Variants in ULBP1 observed in about 807,000 individuals in gnomAD.
ULBP1 encodes the protein UL16-binding protein 1.
Under a neutral mutation model 25.3 loss-of-function variants are expected in ULBP1, and 28 were observed. The observed-to-expected ratio is 1.10, with a 90% CI of 0.82 to 1.51. The LOEUF is 1.51. Among genes scored for constraint, ULBP1 ranks in the 40% most tolerant of loss-of-function variants. The pLI is 0.00. For synonymous variants in ULBP1, 129 were observed against 103.0 expected (o/e 1.25, Z -1.53); for missense variants, 348 against 290.9 (o/e 1.20, Z -1.43).
Position 149,968,826 on chromosome 6 carries a change from A to T in ULBP1, c.305A>T (p.Lys102Ile), listed in dbSNP as rs1489575853. 2 of 1,614,268 alleles carry T rather than the reference A, an allele frequency of 1.2e-6. No homozygotes were observed. The highest frequency in any genetic ancestry group is 3.3e-5 in the Admixed American group (2 of 60,032). The change falls in exon 2 of 5, where the codon AAA becomes ATA. Residue 102 changes from lysine (K) to isoleucine (I), a missense_variant. Transcript: ENST00000229708. ...CTAAGAGACGTGGTGGATTTCCTTA[A>T]AGGGCAACTGCTTGACATTCAAGTG... ...ETLRDVVDFLKGQLLDIQVEN... is the reference protein window; with the variant it reads ...ETLRDVVDFLIGQLLDIQVEN...
rs998798188 is a variant in ULBP1 at position 149,968,835 on chromosome 6, T to A, written c.314T>A (p.Leu105Gln). Residue 105 changes from leucine (L) to glutamine (Q), a missense_variant, in exon 2 of 5, where the codon CTG (leucine) becomes CAG (glutamine). Coordinates refer to ENST00000229708, the MANE Select transcript of ULBP1 (RefSeq NM_025218.4). ...RDVVDFLKGQ[L>Q]LDIQVENLIP... is the part of the protein sequence containing the mutation. ...GTGGTGGATTTCCTTAAAGGGCAAC[T>A]GCTTGACATTCAAGTGGAGAATTTA... 43 of 1,614,092 alleles carry A rather than the reference T, an allele frequency of 2.7e-5. No homozygotes were observed. In the Admixed American group the frequency reaches 6.3e-4, roughly 24 times the overall value.
intron 1 of ULBP1, among the ~76,000 whole-genome samples, chr6:149,968,211 G>C (rs534771384): frequency 6.6e-6 from 1 of 152,224 alleles, no homozygotes; most frequent in East Asian, 1.9e-4. Flanking sequence ...CACTGTGCTG[G>C]AGCATCCCAG....
chr6:149,966,623 T>A (rs1473610303), intron 1 of ULBP1, among the ~76,000 whole-genome samples: 1 of 152,134 alleles, frequency 6.6e-6, no homozygotes, highest in African/African-American at 2.4e-5. Flanking sequence ...GCCCTGCTCC[T>A]GCCCATCCCA....
In ULBP1 at chr6:149,973,128, G is replaced by A. The variant is rs7749024; in HGVS notation, c.*1782G>A. 1 of 152,116 alleles carries A rather than the reference G, an allele frequency of 6.6e-6. No individual in the cohort carries two copies. Among genetic ancestry groups the A allele is most frequent in the African/African-American group, 2.4e-5 (1 of 41,384 alleles). 9.4% of individuals were successfully genotyped at this position (152,116 alleles called of 1,614,324 possible). A position where few individuals can be genotyped will look rare whatever the true frequency, so the allele number is the denominator to read the frequency against. On this transcript the variant is annotated 3_prime_UTR_variant, in exon 5 of 5. Transcript: ENST00000229708. ...GAAAAAAAATGTGGTACATAGATACGATGGAAAACTATGCAGCCATGAAAC... is the reference window on the plus strand; with the variant it reads ...GAAAAAAAATGTGGTACATAGATACAATGGAAAACTATGCAGCCATGAAAC...
chr6:149,966,565 T>C (rs984212684), intron 1 of ULBP1, among the ~76,000 whole-genome samples: 1 of 152,126 alleles, frequency 6.6e-6, no homozygotes, highest in African/African-American at 2.4e-5. Flanking sequence ...CCATGTAGTG[T>C]CCTGGGGATC....
intron 1 of ULBP1, among the ~76,000 whole-genome samples, chr6:149,965,826 C>T (rs758779086): frequency 6.6e-6 from 1 of 152,118 alleles, no homozygotes. Flanking sequence ...TCTCAGCTCA[C>T]CCCTGTCACC....
Position 149,969,342 on chromosome 6 carries a change from C to A in ULBP1, c.607C>A (p.Gln203Lys), listed in dbSNP as rs1384144410. 1 of 1,613,368 alleles carries A rather than the reference C, an allele frequency of 6.2e-7. No individual in the cohort carries two copies. The highest frequency in any genetic ancestry group is 1.1e-5 in the South Asian group (1 of 91,040). ...WLEEFLMYWE[Q>K]MLDPTKPPSL... is the part of the protein sequence containing the mutation. ...TGAAGAATTTTTGATGTACTGGGAA[C>A]AAATGCTGGATCCAACAAGTAAGTG... Residue 203 changes from glutamine (Q) to lysine (K), a missense_variant, in exon 3 of 5, where the codon CAA becomes AAA. Coordinates refer to ENST00000229708, the MANE Select transcript of ULBP1 (RefSeq NM_025218.4).
At chr6:149,964,194 C>A in intron 1 of ULBP1, 60 bp downstream of exon 1, 1 of 1,585,110 alleles carries the variant, frequency 6.3e-7, no homozygotes, top group Non-Finnish European at 8.6e-7. Flanking sequence ...TTGTGGACTG[C>A]AGCGGGTTTC....
intron 1 of ULBP1, among the ~76,000 whole-genome samples, chr6:149,966,576 G>C (rs940042258): frequency 3.3e-5 from 5 of 151,822 alleles, no homozygotes; most frequent in Non-Finnish European, 5.9e-5. Context: ...CCTGGGGATC[G>C]GGGCCAACTG....
intron 1 of ULBP1, 87 bp downstream of exon 1, chr6:149,964,221 C>T (rs1298281431): frequency 2.7e-6 from 4 of 1,457,308 alleles, no homozygotes; most frequent in Non-Finnish European, 3.8e-6. Context: ...GGGGAGGCTT[C>T]TGGAAGGACC....
chr6:149,967,744 G>C (rs893215005), intron 1 of ULBP1, among the ~76,000 whole-genome samples: 2 of 152,068 alleles, frequency 1.3e-5, no homozygotes, highest in African/African-American at 4.8e-5. Flanking sequence ...GCCTCCGCTT[G>C]AGATCTCTTA....
intron 2 of ULBP1, 56 bp from the exon 3 acceptor site, chr6:149,969,029 C>A (rs1779257359): frequency 1.9e-6 from 3 of 1,585,208 alleles, no homozygotes; most frequent in Non-Finnish European, 2.6e-6. Context: ...GGAAAGGAAG[C>A]AGGGTGGGGC....
Position 149,968,799 on chromosome 6 carries a change from C to T in ULBP1, c.278C>T (p.Thr93Ile). The change falls in exon 2 of 5, where the codon ACA becomes ATA. Residue 93 changes from threonine to isoleucine, a missense_variant. By Grantham distance (89) the Thr-to-Ile change is moderately conservative. Coordinates refer to ENST00000229708, the MANE Select transcript of ULBP1 (RefSeq NM_025218.4). ...VTKTWEEQTE[T>I]LRDVVDFLKG... ...AAAACCTGGGAAGAACAAACTGAAACACTAAGAGACGTGGTGGATTTCCTT... is the reference window on the plus strand; with the variant it reads ...AAAACCTGGGAAGAACAAACTGAAATACTAAGAGACGTGGTGGATTTCCTT... The T allele has an allele frequency of 1.2e-6, 2 of 1,614,232 alleles. No individual in the cohort carries two copies. The highest frequency in any genetic ancestry group is 1.6e-4 in the Middle Eastern group (1 of 6,062).
rs535282284 is a variant in ULBP1, at chr6:149,963,948, C to A, written c.-102C>A. The A allele has an allele frequency of 1.5e-5, 18 of 1,171,424 alleles. No individual in the cohort carries two copies. The African/African-American group carries it at 2.5e-4, about 16-fold the overall frequency. 72.6% of individuals were successfully genotyped at this position (1,171,424 alleles called of 1,614,324 possible). A position where few individuals can be genotyped will look rare whatever the true frequency, so the allele number is the denominator to read the frequency against. The stretch of plus-strand genomic sequence containing the variant: ...TGCCTAGGATCCCGCCCAGTGTATC[C>A]CTGCGCGCGGCGGGCCGGGCTGGGC... On this transcript the variant is annotated 5_prime_UTR_variant, in exon 1 of 5. Coordinates refer to ENST00000229708, the MANE Select transcript of ULBP1 (RefSeq NM_025218.4).
chr6:149,969,348 C>G lies in ULBP1; in HGVS notation c.613C>G (p.Leu205Val), dbSNP rs770791996. 3.1e-6 allele frequency: 5 copies of G among 1,612,828 alleles called. No homozygotes were observed. In the Admixed American group the frequency reaches 8.3e-5, roughly 27 times the overall value. The change falls in exon 3 of 5, where the codon CTG becomes GTG. Residue 205 changes from leucine (L) to valine (V), a missense_variant. Leu to Val is a conservative substitution (Grantham distance 32). Transcript: ENST00000229708. Reference protein sequence around the residue: ...EEFLMYWEQMLDPTKPPSLAP... With the variant: ...EEFLMYWEQMVDPTKPPSLAP... ...ATTTTTGATGTACTGGGAACAAATG[C>G]TGGATCCAACAAGTAAGTGAGAGGG... is the stretch of plus-strand genomic sequence containing the variant.
At position 149,969,180 on chromosome 6, in the gene ULBP1, C is replaced by T. The variant is rs186848532; in HGVS notation, c.445C>T (p.Leu149Phe). 32 of 1,614,220 alleles carry T rather than the reference C, an allele frequency of 2.0e-5. No homozygotes were observed. Among genetic ancestry groups the T allele is most frequent in the African/African-American group, 1.9e-4 (14 of 75,048 alleles). ...WQFLFNGQKF[L>F]LFDSNNRKWT... is the part of the protein sequence containing the mutation. ...GTTCCTCTTCAATGGACAGAAGTTC[C>T]TCCTCTTTGACTCAAACAACAGAAA... The change falls in exon 3 of 5, where the codon CTC becomes TTC. Residue 149 changes from leucine (L) to phenylalanine (F), a missense_variant. Coordinates refer to ENST00000229708, the MANE Select transcript of ULBP1 (RefSeq NM_025218.4).
chr6:149,966,230 T>C (rs1779203001), intron 1 of ULBP1, among the ~76,000 whole-genome samples: 1 of 152,144 alleles, frequency 6.6e-6, no homozygotes, highest in Non-Finnish European at 1.5e-5. Flanking sequence ...CAGCAGGCAA[T>C]GGTAACCTGC....
Sources: gnomAD v4.1 joint callset for allele counts (sites outside exome capture counted in the v4.1 genomes callset) on GRCh38, gnomAD v4.1.1 for gene constraint, MANE v1.5 for transcripts, NCBI Gene and HGNC (gene_info 2026-07-23, HGNC 2026-07-21) for gene names.